The following KLHL7 variants were observed in gnomAD, a reference collection of about 807,000 sequenced individuals.
KLHL7 encodes the protein kelch like family member 7, also known as kelch-like protein 7.
In KLHL7, 44 loss-of-function variants were observed where a neutral mutation model predicts 67.4. The observed-to-expected ratio is 0.65, with a 90% confidence interval of 0.51 to 0.84. The LOEUF is 0.84. Among genes scored for constraint, KLHL7 ranks in the 40% least tolerant of loss-of-function variants. The pLI is 0.00. For synonymous variants in KLHL7, 252 were observed against 243.3 expected (o/e 1.04, Z -0.33); for missense variants, 362 against 718.1 (o/e 0.50, Z 5.67).
At chr7:23,156,932 G>T (rs1244828991) in intron 7 of KLHL7, among the ~76,000 whole-genome samples, 1 of 152,146 alleles carries the variant, frequency 6.6e-6, no homozygotes, top group African/African-American at 2.4e-5. Flanking sequence ...TAAAAGAAGA[G>T]AAAAAGAAGT....
At chr7:23,168,077 T>C in intron 9 of KLHL7, 40 bp downstream of exon 9, 1 of 1,561,050 alleles carries the variant, frequency 6.4e-7, no homozygotes, top group Non-Finnish European at 8.8e-7. Flanking sequence ...GTTAACTGTA[T>C]TCTATAAGCT....
In KLHL7 at chr7:23,174,383, G is replaced by C. The variant is rs751765426; in HGVS notation, c.*85G>C. 97 of 1,479,856 alleles carry C rather than the reference G, an allele frequency of 6.6e-5. No homozygotes were observed. The highest frequency in any genetic ancestry group is 8.5e-5 in the Non-Finnish European group (90 of 1,063,228). The allele number at this position is 1,479,856 out of a possible 1,614,324, so 91.7% of individuals were successfully genotyped here. A position where few individuals can be genotyped will look rare whatever the true frequency, so the allele number is the denominator to read the frequency against. Reference sequence around the variant, plus strand: ...CCAGGAGTTTGGTGACAAAGTTTTGGTTTGGTGTTTTGGTAAAGAAAGTTT... The same window carrying C: ...CCAGGAGTTTGGTGACAAAGTTTTGCTTTGGTGTTTTGGTAAAGAAAGTTT... On this transcript the variant is annotated 3_prime_UTR_variant, in exon 11 of 11. Coordinates refer to ENST00000339077, the MANE Select transcript of KLHL7 (RefSeq NM_001031710.3).
chr7:23,156,586 G>T (rs1460417840), intron 7 of KLHL7, among the ~76,000 whole-genome samples: 1 of 152,176 alleles, frequency 6.6e-6, no homozygotes, highest in Non-Finnish European at 1.5e-5. Flanking sequence ...GGCTTCATAC[G>T]GTGGAGAAAC....
intron 7 of KLHL7, among the ~76,000 whole-genome samples, chr7:23,163,895 T>G (rs192676553): frequency 3.0e-4 from 45 of 152,332 alleles, no homozygotes; most frequent in African/African-American, 1.1e-3. Context: ...TTAAATCATA[T>G]TTTTAGGGTA....
chr7:23,160,530 T>G (rs1257100591), intron 7 of KLHL7, among the ~76,000 whole-genome samples: 1 of 152,264 alleles, frequency 6.6e-6, no homozygotes, highest in East Asian at 1.9e-4. Flanking sequence ...CACTTTGGAC[T>G]GTTTGCTAAT....
chr7:23,139,285 A>C (rs937698418), intron 4 of KLHL7, among the ~76,000 whole-genome samples: 1 of 152,230 alleles, frequency 6.6e-6, no homozygotes, highest in African/African-American at 2.4e-5. Flanking sequence ...ATTTACTTTA[A>C]AAATGACACA....
intron 1 of KLHL7, among the ~76,000 whole-genome samples, chr7:23,114,603 T>C (rs1783009582): frequency 6.6e-6 from 1 of 152,188 alleles, no homozygotes; most frequent in African/African-American, 2.4e-5. Flanking sequence ...TCTTACTAGC[T>C]CAGGGAATGC....
intron 4 of KLHL7, among the ~76,000 whole-genome samples, chr7:23,131,374 T>A (rs1783792444): frequency 6.6e-6 from 1 of 152,200 alleles, no homozygotes; most frequent in Admixed American, 6.5e-5. Context: ...CTTATTTTCC[T>A]TTTCTTTTGA....
chr7:23,152,125 A>G lies in KLHL7; in HGVS notation c.852A>G (p.Thr284=), dbSNP rs774012905. Reference sequence around the variant, plus strand: ...ACCGAGAAGAACTTGTAGATGGCACAAGACCTAGAAGAAAGAAACATGACT... The same window carrying G: ...ACCGAGAAGAACTTGTAGATGGCACGAGACCTAGAAGAAAGAAACATGACT... ...PEDREELVDG[T]RPRRKKHDYR... is the part of the protein sequence containing the mutation. The change falls in exon 7 of 11, where the codon ACA becomes ACG. Residue 284 remains threonine, a synonymous_variant. Transcript: ENST00000339077. The G allele has an allele frequency of 3.1e-6, 5 of 1,613,898 alleles. No homozygotes were observed. Among genetic ancestry groups the G allele is most frequent in the Non-Finnish European group, 4.2e-6 (5 of 1,179,782 alleles).
chr7:23,157,881 G>C (rs535624738), intron 7 of KLHL7, among the ~76,000 whole-genome samples: 8 of 152,334 alleles, frequency 5.3e-5, no homozygotes, highest in African/African-American at 1.9e-4. Context: ...GGGTCAGGGA[G>C]AGTGGAAACA....
chr7:23,148,934 A>C (rs1784446311), intron 6 of KLHL7, among the ~76,000 whole-genome samples: 1 of 152,204 alleles, frequency 6.6e-6, no homozygotes, highest in Non-Finnish European at 1.5e-5. Context: ...AGAAGCTTCC[A>C]AGCTTTGGGG....
At chr7:23,154,809 AG>A (rs1162959576) in intron 7 of KLHL7, among the ~76,000 whole-genome samples, 2 of 152,208 alleles carry the variant, frequency 1.3e-5, no homozygotes, top group Non-Finnish European at 1.5e-5. Context: ...CTATATGGCA[AG>A]TTTTCCTGGT....
At chr7:23,143,441 C>T (rs1250903168) in intron 5 of KLHL7, among the ~76,000 whole-genome samples, 1 of 152,110 alleles carries the variant, frequency 6.6e-6, no homozygotes, top group East Asian at 1.9e-4. Flanking sequence ...GGGTGACCTT[C>T]GTATCTCCTG....
At chr7:23,166,019 T>C in intron 8 of KLHL7, 81 bp downstream of exon 8, 1 of 1,425,720 alleles carries the variant, frequency 7.0e-7, no homozygotes, top group African/African-American at 1.4e-5. Context: ...AATAAACAGC[T>C]GGTATTATTT....
chr7:23,134,500 GT>G (rs1046908493), intron 4 of KLHL7, among the ~76,000 whole-genome samples: 28 of 151,914 alleles, frequency 1.8e-4, no homozygotes, highest in Non-Finnish European at 2.9e-5. Flanking sequence ...CCCCTCTTCT[GT>G]TTTTTTGGAA....
At chr7:23,124,588 G>C in intron 2 of KLHL7, 100 bp from the exon 3 acceptor site, 1 of 766,910 alleles carries the variant, frequency 1.3e-6, no homozygotes, top group South Asian at 1.4e-5. Context: ...GAACTGTCCC[G>C]TTATTTTTCT....
At position 23,123,866 on chromosome 7, in the gene KLHL7, C is replaced by T. The variant is rs751584483; in HGVS notation, c.210C>T (p.Asn70=). Residue 70 remains asparagine (N), a synonymous_variant, in exon 2 of 11, where the codon AAC becomes AAT. Coordinates refer to ENST00000339077, the MANE Select transcript of KLHL7 (RefSeq NM_001031710.3). ...VVLAAASHFF[N]LMFTTNMLES... ...TTGCTGCAGCCAGTCATTTTTTTAA[C>T]TTAATGTTCACAAGTAAGTATCTTA... 1.2e-6 allele frequency: 2 copies of T among 1,608,418 alleles called. No individual in the cohort carries two copies. Among genetic ancestry groups the T allele is most frequent in the Admixed American group, 1.7e-5 (1 of 59,978 alleles).
chr7:23,166,559 A>G (rs1032788892), intron 8 of KLHL7, among the ~76,000 whole-genome samples: 5 of 152,154 alleles, frequency 3.3e-5, no homozygotes, highest in Non-Finnish European at 7.4e-5. Flanking sequence ...ATTTTCAAGT[A>G]ATTTCTTTAG....
intron 4 of KLHL7, among the ~76,000 whole-genome samples, chr7:23,130,993 G>A (rs568938318): frequency 1.1e-4 from 16 of 152,334 alleles, no homozygotes; most frequent in African/African-American, 3.8e-4. Flanking sequence ...TCCTGAAAGA[G>A]TTATTTATTC....
Sources: gnomAD v4.1 joint callset for allele counts (sites outside exome capture counted in the v4.1 genomes callset) on GRCh38, gnomAD v4.1.1 for gene constraint, MANE v1.5 for transcripts, NCBI Gene and HGNC (gene_info 2026-07-23, HGNC 2026-07-21) for gene names.